The following PCDHA3 variants were observed in gnomAD, a reference collection of about 807,000 sequenced individuals.
The protein encoded by PCDHA3 is protocadherin alpha-3.
PCDHA3 carries 41 observed loss-of-function variants against 62.2 expected under a neutral mutation model. The observed-to-expected ratio is 0.66, with a 90% CI of 0.51 to 0.86. PCDHA3 has a LOEUF of 0.86. Ranked by LOEUF, PCDHA3 falls within the 40% of genes least tolerant of loss-of-function variation. The pLI is 0.00. For missense variants in PCDHA3, 1,304 were observed against 1,241.2 expected, an observed-to-expected ratio of 1.05 and a Z score of -0.76; for synonymous variants, 640 against 555.4, an observed-to-expected ratio of 1.15 and a Z score of -2.14.
chr5:140,864,887 G>T (rs2048644726), intron 1 of PCDHA3: 1 of 152,148 alleles, frequency 6.6e-6, no homozygotes, highest in African/African-American at 2.4e-5. Flanking sequence ...TGTTCATTAA[G>T]CTGCATGGTC....
chr5:140,803,098 C>T lies in PCDHA3; in HGVS notation c.1901C>T (p.Thr634Ile). 1 of 1,613,860 alleles carries T rather than the reference C, an allele frequency of 6.2e-7. No homozygotes were observed. Among genetic ancestry groups the T allele is most frequent in the Non-Finnish European group, 8.5e-7 (1 of 1,179,928 alleles). Residue 634 changes from threonine (T) to isoleucine (I), a missense_variant, in exon 1 of 4, where the codon ACC becomes ATC. Transcript: ENST00000522353. ...VGLYTGEIST[T>I]RALDEVDAPR... is the part of the protein sequence containing the mutation. Reference sequence around the variant, plus strand: ...CTGTACACGGGAGAGATCAGCACGACCCGTGCCCTGGACGAGGTGGACGCC... The same window carrying T: ...CTGTACACGGGAGAGATCAGCACGATCCGTGCCCTGGACGAGGTGGACGCC...
At chr5:140,809,774 A>G (rs1554125354) in intron 1 of PCDHA3, 1 of 542,970 alleles carries the variant, frequency 1.8e-6, no homozygotes, top group Non-Finnish European at 3.1e-6. Flanking sequence ...GCATTATTCA[A>G]TGCATATTAA....
chr5:140,876,806 T>C (rs1554168956), intron 1 of PCDHA3: 2 of 1,613,976 alleles, frequency 1.2e-6, no homozygotes, highest in South Asian at 2.2e-5. Context: ...TCCGTGGAGG[T>C]GGCCGACGTG....
intron 1 of PCDHA3, chr5:140,807,477 G>A (rs111900306): frequency 1.2e-6 from 2 of 1,613,196 alleles, no homozygotes; most frequent in Non-Finnish European, 1.7e-6. Flanking sequence ...GAGCTGTGCC[G>A]GCGGAGCGCG....
chr5:140,829,328 C>A (rs782173510), intron 1 of PCDHA3: 1 of 1,614,244 alleles, frequency 6.2e-7, no homozygotes, highest in East Asian at 2.2e-5. Context: ...GGACAGTGCC[C>A]TGGACCGCGA....
chr5:140,939,510 A>G (rs2092401222), intron 1 of PCDHA3, among the ~76,000 whole-genome samples: 1 of 150,724 alleles, frequency 6.6e-6, no homozygotes, highest in Admixed American at 6.6e-5. Flanking sequence ...TGTCTATAAC[A>G]TTAATAGTTA....
chr5:140,841,277 C>T lies in PCDHA3; in HGVS notation c.2394+37686C>T. Reference sequence around the variant, plus strand: ...AGACTCTGAAAGTACAGTCGTTCATCTTTATATTAAGATAATATTTTCTGA... The same window carrying T: ...AGACTCTGAAAGTACAGTCGTTCATTTTTATATTAAGATAATATTTTCTGA... On this transcript the variant is annotated intron_variant, in intron 1 of 3. Coordinates refer to ENST00000522353, the MANE Select transcript of PCDHA3 (RefSeq NM_018906.3). 9 of 1,516,428 alleles carry T rather than the reference C, an allele frequency of 5.9e-6. 1 individual carries two copies. Among genetic ancestry groups the T allele is most frequent in the Non-Finnish European group, 8.0e-6 (9 of 1,128,112 alleles). The allele number at this position is 1,516,428 out of a possible 1,614,324, so 93.9% of individuals were successfully genotyped here. A position where few individuals can be genotyped will look rare whatever the true frequency, so the allele number is the denominator to read the frequency against.
chr5:140,808,289 G>C (rs1764139078), intron 1 of PCDHA3: 1 of 1,614,140 alleles, frequency 6.2e-7, no homozygotes, highest in Non-Finnish European at 8.5e-7. Flanking sequence ...ACTGGGTACA[G>C]TCATCGCCCT....
intron 1 of PCDHA3, among the ~76,000 whole-genome samples, chr5:140,844,013 C>A (rs1015377164): frequency 2.0e-5 from 3 of 149,622 alleles, no homozygotes; most frequent in Non-Finnish European, 3.0e-5. Flanking sequence ...ACTCTAAGGA[C>A]GTTCAGGGCA....
chr5:140,870,145 G>A, intron 1 of PCDHA3: 1 of 1,614,088 alleles, frequency 6.2e-7, no homozygotes, highest in Non-Finnish European at 8.5e-7. Context: ...TAACTCTCCT[G>A]AAGTCGCCGT....
At chr5:140,821,026 A>C (rs2150108488) in intron 1 of PCDHA3, among the ~76,000 whole-genome samples, 88,279 of 151,604 alleles carry the variant, frequency 0.58, 26,451 homozygotes, top group African/African-American at 0.72. Flanking sequence ...GAAAATTAGA[A>C]CTCCGAGAAG....
At chr5:140,928,504 A>G (rs1408229072) in intron 1 of PCDHA3, 1 of 1,614,092 alleles carries the variant, frequency 6.2e-7, no homozygotes, top group African/African-American at 1.3e-5. Flanking sequence ...CAGAAGTGCA[A>G]CAGTGACTAT....
chr5:140,884,204 C>A (rs1410511984), intron 1 of PCDHA3: 1 of 1,613,382 alleles, frequency 6.2e-7, no homozygotes, highest in Non-Finnish European at 8.5e-7. Flanking sequence ...GCCGCACCAC[C>A]GCCTTCTGGT....
rs144442302 is a variant in PCDHA3, at chr5:140,850,848, C to A, written c.2394+47257C>A. On this transcript the variant is annotated intron_variant, in intron 1 of 3. Coordinates refer to ENST00000522353, the MANE Select transcript of PCDHA3 (RefSeq NM_018906.3). ...TTCTCCTTGTGCTGGATCTACAGAG[C>A]GAACGGGAGAACCCTCTGCTTCCTC... is the stretch of plus-strand genomic sequence containing the variant. The A allele has an allele frequency of 1.4e-5, 23 of 1,596,174 alleles. 3 individuals are homozygous for A. In the Middle Eastern group the frequency reaches 5.0e-4, roughly 35 times the overall value.
chr5:140,834,611 G>C, intron 1 of PCDHA3: 1 of 1,614,162 alleles, frequency 6.2e-7, no homozygotes, highest in Non-Finnish European at 8.5e-7. Flanking sequence ...ATCTTCTGGA[G>C]GTAAATCTGC....
intron 1 of PCDHA3, chr5:140,805,187 A>G: frequency 2.0e-6 from 3 of 1,477,228 alleles, no homozygotes; most frequent in South Asian, 1.4e-5. Flanking sequence ...TGCCAAATAA[A>G]TATTGAATAG....
intron 1 of PCDHA3, chr5:140,813,165 A>G (rs1448346910): frequency 1.3e-5 from 2 of 152,148 alleles, no homozygotes; most frequent in Non-Finnish European, 2.9e-5. Flanking sequence ...TTTCAGCTAT[A>G]GTGTTGTTCA....
intron 1 of PCDHA3, among the ~76,000 whole-genome samples, chr5:140,945,224 T>G (rs1563213002): frequency 6.6e-6 from 1 of 152,016 alleles, no homozygotes; most frequent in Admixed American, 6.6e-5. Flanking sequence ...ATAAAAATAC[T>G]TAGGAATAAA....
At chr5:140,927,417 G>A (rs74597681) in intron 1 of PCDHA3, 37,118 of 1,614,096 alleles carry the variant, frequency 0.023, 560 homozygotes, top group African/African-American at 0.056. Flanking sequence ...ACATGGGATC[G>A]CGGGTTGACG....
Sources: gnomAD v4.1 joint callset for allele counts (sites outside exome capture counted in the v4.1 genomes callset) on GRCh38, gnomAD v4.1.1 for gene constraint, MANE v1.5 for transcripts, NCBI Gene and HGNC (gene_info 2026-07-23, HGNC 2026-07-21) for gene names.